Variants in TECPR2 observed in about 807,000 individuals in gnomAD.
TECPR2 encodes tectonin beta-propeller repeat-containing protein 2.
Under a neutral mutation model 138.1 loss-of-function variants are expected in TECPR2, and 65 were observed. The observed-to-expected ratio is 0.47, with a 90% CI of 0.39 to 0.58. TECPR2 has a LOEUF of 0.58. TECPR2 is among the 20% of genes least tolerant of loss of function. The probability of loss-of-function intolerance (pLI) is 0.00; values close to 1 mark genes in which losing one functional copy is unlikely to be tolerated. For synonymous variants in TECPR2, 746 were observed against 749.8 expected (o/e 0.99, Z 0.08); for missense variants, 1,553 against 1,824.5 (o/e 0.85, Z 2.71).
In TECPR2 at chr14:102,434,483, A is replaced by G. The variant is rs201791953; in HGVS notation, c.1666A>G (p.Met556Val). The change falls in exon 9 of 20, where the codon ATG (methionine) becomes GTG (valine). Residue 556 changes from methionine to valine, a missense_variant. Transcript: ENST00000359520. ...TAATGTCCTGGAGGTGTCAGGATCA[A>G]TGCCTGATTCTCTGGCTGAGGAAGA... ...TFNVLEVSGS[M>V]PDSLAEEDDI... is the part of the protein sequence containing the mutation. 3.3e-5 allele frequency: 52 copies of G among 1,561,148 alleles called. No individual in the cohort carries two copies. The highest frequency in any genetic ancestry group is 4.4e-5 in the Non-Finnish European group (51 of 1,154,262).
chr14:102,468,481 C>T (rs1177088997), intron 17 of TECPR2, among the ~76,000 whole-genome samples: 1 of 152,210 alleles, frequency 6.6e-6, no homozygotes, highest in Non-Finnish European at 1.5e-5. Context: ...GCCACCGTGC[C>T]CAGCCTGTTG....
intron 16 of TECPR2, among the ~76,000 whole-genome samples, chr14:102,462,993 C>G (rs957048006): frequency 6.6e-6 from 1 of 152,188 alleles, no homozygotes; most frequent in South Asian, 2.1e-4. Flanking sequence ...ATTAAAGCCA[C>G]GACATGATAC....
At chr14:102,421,232 G>T (rs1272605274) in intron 5 of TECPR2, among the ~76,000 whole-genome samples, 1 of 152,134 alleles carries the variant, frequency 6.6e-6, no homozygotes, top group Admixed American at 6.6e-5. Flanking sequence ...AAGAGATTAT[G>T]GGCTCCCTTG....
chr14:102,429,409 C>G (rs1038587703), intron 7 of TECPR2, among the ~76,000 whole-genome samples: 7 of 152,168 alleles, frequency 4.6e-5, no homozygotes, highest in African/African-American at 1.7e-4. Flanking sequence ...CTGGGACATA[C>G]CGTTTACCCT....
At chr14:102,466,977 C>T (rs1431704613) in intron 17 of TECPR2, among the ~76,000 whole-genome samples, 3 of 152,168 alleles carry the variant, frequency 2.0e-5, no homozygotes, top group African/African-American at 4.8e-5. Flanking sequence ...AGTTCATCCA[C>T]GTTGTAGGTG....
chr14:102,440,117 GC>G (rs1425682573), intron 10 of TECPR2, among the ~76,000 whole-genome samples: 1 of 152,224 alleles, frequency 6.6e-6, no homozygotes, highest in Non-Finnish European at 1.5e-5. Context: ...CCTGTCATGT[GC>G]CCAGCTCTGT....
At chr14:102,396,528 A>G (rs1243248607) in intron 2 of TECPR2, among the ~76,000 whole-genome samples, 1 of 152,014 alleles carries the variant, frequency 6.6e-6, no homozygotes, top group East Asian at 1.9e-4. Flanking sequence ...AAACCTAGAG[A>G]GGAAGGAGAG....
At position 102,433,534 on chromosome 14, in the gene TECPR2, A is replaced by G. The variant is rs1241246234; in HGVS notation, c.1418-701A>G. Among the ~76,000 whole-genome samples the G allele has an allele frequency of 2.0e-5, 3 of 151,082 alleles. No homozygotes were observed. The East Asian group carries it at 5.8e-4, about 29-fold the overall frequency. On this transcript the variant is annotated intron_variant, in intron 8 of 19. Transcript: ENST00000359520. ...TATTTATTTATTTATTTTTTAATTT[A>G]TTGGAGACAGAGTTTCACTGTTGTC...
intron 16 of TECPR2, among the ~76,000 whole-genome samples, chr14:102,453,903 CTT>C (rs922581692): frequency 4.6e-5 from 7 of 151,582 alleles, no homozygotes; most frequent in African/African-American, 1.5e-4. Flanking sequence ...AATCCCAGCA[CTT>C]TGGGAGGCCA....
At chr14:102,462,826 A>T (rs1004406272) in intron 16 of TECPR2, among the ~76,000 whole-genome samples, 1 of 152,242 alleles carries the variant, frequency 6.6e-6, no homozygotes, top group Non-Finnish European at 1.5e-5. Flanking sequence ...AAAGACTAGT[A>T]CCTACAATGT....
Position 102,498,961 on chromosome 14 carries a change from TCACCA to T in TECPR2, c.*708_*712del, listed in dbSNP as rs1486151120. On this transcript the variant is annotated 3_prime_UTR_variant, in exon 20 of 20. Coordinates refer to ENST00000359520, the MANE Select transcript of TECPR2 (RefSeq NM_014844.5). ...ACATCTCACCACACCACAGCACACC[TCACCA>T]CACAACACACCACACCCCACACCGC... The T allele has an allele frequency of 7.3e-6, 5 of 686,994 alleles. No individual in the cohort carries two copies. In the African/African-American group the frequency reaches 7.4e-5, roughly 10 times the overall value. 42.6% of individuals were successfully genotyped at this position (686,994 alleles called of 1,614,324 possible). A position where few individuals can be genotyped will look rare whatever the true frequency, so the allele number is the denominator to read the frequency against.
intron 17 of TECPR2, among the ~76,000 whole-genome samples, chr14:102,494,831 A>G (rs1348439682): frequency 6.6e-6 from 1 of 151,560 alleles, no homozygotes; most frequent in Admixed American, 6.6e-5. Flanking sequence ...TCTCAAAAAA[A>G]AAAAAAAAAA....
In TECPR2 at chr14:102,500,374, G is replaced by A. The variant is rs957709813; in HGVS notation, c.*2117G>A. 2 of 152,342 alleles carry A rather than the reference G, an allele frequency of 1.3e-5. No individual in the cohort carries two copies. The highest frequency in any genetic ancestry group is 6.5e-5 in the Admixed American group (1 of 15,290). The allele number at this position is 152,342 out of a possible 1,614,324, so 9.4% of individuals were successfully genotyped here. ...TGGGGGAATGGCCGCTCCAGAGCTG[G>A]CTGTACCCCATGGTAGCCTCTGAGG... On this transcript the variant is annotated 3_prime_UTR_variant, in exon 20 of 20. Coordinates refer to ENST00000359520, the MANE Select transcript of TECPR2 (RefSeq NM_014844.5).
rs780074865 is a variant in TECPR2, at chr14:102,498,080, GTGAT to G, written c.4082-20_4082-17del. 1.1e-5 allele frequency: 15 copies of G among 1,415,924 alleles called. No homozygotes were observed. Among genetic ancestry groups the G allele is most frequent in the Middle Eastern group, 1.9e-4 (1 of 5,216 alleles). The allele number at this position is 1,415,924 out of a possible 1,614,324, so 87.7% of individuals were successfully genotyped here. The stretch of plus-strand genomic sequence containing the variant: ...CACAGGCTGTGTGATTGACAAGTAT[GTGAT>G]TGGCTCTTGTCCCTGCAGTGACTGC... On this transcript the variant is annotated intron_variant, in intron 19 of 19. Coordinates refer to ENST00000359520, the MANE Select transcript of TECPR2 (RefSeq NM_014844.5).
chr14:102,394,134 G>T (rs1424032890), intron 2 of TECPR2, among the ~76,000 whole-genome samples: 3 of 152,114 alleles, frequency 2.0e-5, no homozygotes. Context: ...CCCAACTCCA[G>T]ATCATAAAGT....
chr14:102,432,168 G>A (rs1567338423), intron 8 of TECPR2, 40 bp downstream of exon 8: 7 of 1,456,664 alleles, frequency 4.8e-6, no homozygotes, highest in Non-Finnish European at 5.4e-6. Flanking sequence ...TGGGGTTACA[G>A]TCTTTCCAGA....
intron 17 of TECPR2, among the ~76,000 whole-genome samples, chr14:102,473,116 G>A (rs1890683141): frequency 6.6e-6 from 1 of 152,250 alleles, no homozygotes; most frequent in South Asian, 2.1e-4. Context: ...GCGGGCAGGC[G>A]GCAGGGGTGG....
intron 2 of TECPR2, among the ~76,000 whole-genome samples, chr14:102,396,992 C>T (rs1888333024): frequency 6.6e-6 from 1 of 152,180 alleles, no homozygotes; most frequent in African/African-American, 2.4e-5. Flanking sequence ...GCTAATGGTC[C>T]TGCTCCCTTG....
rs1159047547 is a variant in TECPR2 at position 102,465,248 on chromosome 14, C to T, written c.3748C>T (p.Leu1250Phe). Residue 1250 changes from leucine to phenylalanine, a missense_variant, in exon 17 of 20, where the codon CTC becomes TTC. Physicochemically the swap from Leu to Phe is conservative, Grantham distance 22. Transcript: ENST00000359520. ...AGGGACTCAGCCTCTCAATCCCAGT[C>T]TCATGCTTCCAGCCTGGATAATGAT... ...RVGTQPLNPSLMLPAWIMIEP... is the reference protein window; with the variant it reads ...RVGTQPLNPSFMLPAWIMIEP... 1 of 1,613,964 alleles carries T rather than the reference C, an allele frequency of 6.2e-7. No individual in the cohort carries two copies. Among genetic ancestry groups the T allele is most frequent in the Admixed American group, 1.7e-5 (1 of 59,984 alleles).
Sources: gnomAD v4.1 joint callset for allele counts (sites outside exome capture counted in the v4.1 genomes callset) on GRCh38, gnomAD v4.1.1 for gene constraint, MANE v1.5 for transcripts, NCBI Gene and HGNC (gene_info 2026-07-23, HGNC 2026-07-21) for gene names.